The following CTNNA3 variants were observed in gnomAD, a reference collection of about 807,000 sequenced individuals.
The protein encoded by CTNNA3 is catenin alpha 3, also known as catenin alpha-3.
CTNNA3 carries 76 observed loss-of-function variants against 95.7 expected under a neutral mutation model. That is an observed-to-expected ratio of 0.79 (90% CI 0.66 to 0.96). CTNNA3 has a LOEUF of 0.96. CTNNA3 is among the 40% of genes least tolerant of loss of function. The pLI is 0.00. For synonymous variants in CTNNA3, 431 were observed against 374.4 expected (o/e 1.15, Z -1.74); for missense variants, 1,191 against 1,089.8 (o/e 1.09, Z -1.31).
chr10:66,796,424 G>A (rs562287628), intron 7 of CTNNA3, among the ~76,000 whole-genome samples: 1 of 151,936 alleles, frequency 6.6e-6, no homozygotes, highest in Non-Finnish European at 1.5e-5. Context: ...TCTTATATGG[G>A]TGCAGTTTGT....
At chr10:67,502,667 C>T (rs192702508) in intron 5 of CTNNA3, among the ~76,000 whole-genome samples, 2 of 152,304 alleles carry the variant, frequency 1.3e-5, no homozygotes, top group Admixed American at 1.3e-4. Flanking sequence ...GATGCCTGCC[C>T]AGAGAGGAGG....
chr10:66,814,491 T>G (rs1244420288), intron 7 of CTNNA3, among the ~76,000 whole-genome samples: 1 of 152,110 alleles, frequency 6.6e-6, no homozygotes, highest in Non-Finnish European at 1.5e-5. Flanking sequence ...CTGGGTGCAG[T>G]GGATCACACC....
intron 13 of CTNNA3, among the ~76,000 whole-genome samples, chr10:66,239,521 C>G (rs1426946706): frequency 1.3e-5 from 2 of 151,806 alleles, no homozygotes; most frequent in Non-Finnish European, 2.9e-5. Flanking sequence ...TAGGCACTCT[C>G]AACAACAACA....
At chr10:66,815,332 C>T (rs1842034310) in intron 7 of CTNNA3, among the ~76,000 whole-genome samples, 1 of 152,022 alleles carries the variant, frequency 6.6e-6, no homozygotes, top group African/African-American at 2.4e-5. Context: ...TCCCTTCATC[C>T]CCAGTTCTGT....
chr10:66,096,526 C>CTT (rs5785749), intron 14 of CTNNA3, among the ~76,000 whole-genome samples: 1 of 135,414 alleles, frequency 7.4e-6, no homozygotes, highest in Admixed American at 7.5e-5. Context: ...TCTTTTCTTT[C>CTT]TTTTTTTTTT....
At chr10:67,343,345 T>C (rs1169120711) in intron 5 of CTNNA3, among the ~76,000 whole-genome samples, 1 of 152,212 alleles carries the variant, frequency 6.6e-6, no homozygotes, top group African/African-American at 2.4e-5. Context: ...TACTTTAGGT[T>C]GTATGGACAT....
In CTNNA3 at chr10:65,958,123, T is replaced by A. The variant is rs1357092464; in HGVS notation, c.2400+8489A>T. On this transcript the variant is annotated intron_variant, in intron 17 of 17. Coordinates refer to ENST00000433211, the MANE Select transcript of CTNNA3 (RefSeq NM_013266.4). Reference sequence around the variant, plus strand: ...TCTCTAAACTTCTCTTCTCACTTCATTTCATTCATTTGATCTTCAATCACT... The same window carrying A: ...TCTCTAAACTTCTCTTCTCACTTCAATTCATTCATTTGATCTTCAATCACT... 7.9e-5 allele frequency among the ~76,000 whole-genome samples: 12 copies of A among 152,310 alleles called. No homozygotes were observed. The South Asian group carries it at 2.5e-3, about 32-fold the overall frequency.
At chr10:66,395,940 C>T (rs1389407971) in intron 11 of CTNNA3, among the ~76,000 whole-genome samples, 1 of 151,966 alleles carries the variant, frequency 6.6e-6, no homozygotes, top group Non-Finnish European at 1.5e-5. Flanking sequence ...CACTCCTACC[C>T]TTCCCCCTTC....
chr10:66,221,654 T>C (rs2088934272), intron 13 of CTNNA3, among the ~76,000 whole-genome samples: 1 of 152,172 alleles, frequency 6.6e-6, no homozygotes. Context: ...TTTCAGGCAA[T>C]TGAGAACATA....
At chr10:66,623,802 C>T (rs1844836074) in intron 9 of CTNNA3, among the ~76,000 whole-genome samples, 1 of 152,088 alleles carries the variant, frequency 6.6e-6, no homozygotes, top group South Asian at 2.1e-4. Context: ...TGTGACAAAA[C>T]AGAAAAGTGT....
chr10:66,322,842 G>A (rs542461024), intron 12 of CTNNA3, among the ~76,000 whole-genome samples: 17 of 151,970 alleles, frequency 1.1e-4, no homozygotes, highest in South Asian at 4.2e-4. Flanking sequence ...TAGATACACC[G>A]CTCCCCAGGG....
intron 17 of CTNNA3, among the ~76,000 whole-genome samples, chr10:65,932,022 C>T (rs1189440660): frequency 6.6e-6 from 1 of 152,136 alleles, no homozygotes; most frequent in Non-Finnish European, 1.5e-5. Context: ...GAATAAAGTT[C>T]TCAAGGTTAC....
At chr10:67,275,160 A>G (rs1839139002) in intron 5 of CTNNA3, among the ~76,000 whole-genome samples, 1 of 152,178 alleles carries the variant, frequency 6.6e-6, no homozygotes, top group Non-Finnish European at 1.5e-5. Context: ...AGTATTTTAA[A>G]TACGTTAGCA....
intron 14 of CTNNA3, among the ~76,000 whole-genome samples, chr10:66,094,716 T>C (rs533837620): frequency 2.0e-5 from 3 of 152,280 alleles, no homozygotes; most frequent in Admixed American, 6.5e-5. Flanking sequence ...CTCTGACAAA[T>C]CTTTGTTTCA....
chr10:66,082,627 T>C (rs1013368504), intron 14 of CTNNA3, among the ~76,000 whole-genome samples: 4 of 152,152 alleles, frequency 2.6e-5, no homozygotes, highest in Non-Finnish European at 5.9e-5. Flanking sequence ...AAATGAACCC[T>C]GGGTATGCAA....
At chr10:66,535,399 T>C (rs1339646112) in intron 10 of CTNNA3, among the ~76,000 whole-genome samples, 1 of 152,162 alleles carries the variant, frequency 6.6e-6, no homozygotes, top group Non-Finnish European at 1.5e-5. Flanking sequence ...CAATGGGCTA[T>C]GTATAGAACC....
intron 7 of CTNNA3, among the ~76,000 whole-genome samples, chr10:67,162,129 A>G (rs1366603806): frequency 6.6e-6 from 1 of 152,072 alleles, no homozygotes; most frequent in African/African-American, 2.4e-5. Flanking sequence ...AACTAGACAG[A>G]AAATCAGCTA....
chr10:65,977,578 C>G (rs922988041), intron 16 of CTNNA3, among the ~76,000 whole-genome samples: 7 of 151,892 alleles, frequency 4.6e-5, no homozygotes, highest in Non-Finnish European at 1.0e-4. Flanking sequence ...GTCAGGAGTT[C>G]GAGACCAGCC....
chr10:67,750,929 C>T lies in CTNNA3; in HGVS notation c.-2+12505G>A, dbSNP rs1333166064. 1.1e-4 allele frequency: 179 copies of T among 1,609,674 alleles called. 2 individuals carry two copies. The Admixed American group carries it at 2.6e-3, about 23-fold the overall frequency. On this transcript the variant is annotated intron_variant, in intron 1 of 17. Transcript: ENST00000684154. ...ATGGCCTACAGCCCCCTAGGCTCTC[C>T]GGATAGACTTTGGGCCAAGCCAGAG... is the stretch of plus-strand genomic sequence containing the variant.
Sources: gnomAD v4.1 joint callset for allele counts (sites outside exome capture counted in the v4.1 genomes callset) on GRCh38, gnomAD v4.1.1 for gene constraint, MANE v1.5 for transcripts, NCBI Gene and HGNC (gene_info 2026-07-23, HGNC 2026-07-21) for gene names.